PYY: variants seen among roughly 807,000 people sequenced by gnomAD.
The protein encoded by PYY is peptide YY.
PYY carries 12 observed loss-of-function variants against 10.3 expected under a neutral mutation model. The observed-to-expected ratio is 1.17, with a 90% CI of 0.75 to 1.89. PYY has a LOEUF of 1.89. Ranked by LOEUF, PYY falls within the 40% of genes most tolerant of loss-of-function variation. The pLI is 0.00. For missense variants in PYY, 141 were observed against 134.0 expected (o/e 1.05, Z -0.26); for synonymous variants, 66 against 62.0 (o/e 1.06, Z -0.30).
intron 1 of PYY, among the ~76,000 whole-genome samples, chr17:43,991,843 G>A (rs148621850): frequency 2.1e-4 from 32 of 150,642 alleles, no homozygotes; most frequent in African/African-American, 6.6e-4. Context: ...AAAAAAGGCC[G>A]GGCGCGGTGG....
At chr17:43,988,906 G>A (rs1018609701) in intron 1 of PYY, among the ~76,000 whole-genome samples, 1 of 151,762 alleles carries the variant, frequency 6.6e-6, no homozygotes, top group Admixed American at 6.6e-5. Context: ...GGGATTACAG[G>A]CATGCACCAA....
intron 1 of PYY, among the ~76,000 whole-genome samples, chr17:43,975,739 T>C (rs2048825114): frequency 7.2e-6 from 1 of 138,990 alleles, no homozygotes; most frequent in African/African-American, 2.8e-5. Context: ...TATATATATA[T>C]ATATATACAC....
chr17:43,969,561 A>G (rs868542395), intron 1 of PYY, among the ~76,000 whole-genome samples: 6 of 151,754 alleles, frequency 4.0e-5, no homozygotes, highest in Admixed American at 6.6e-5. Context: ...ATTGATAAAG[A>G]AAAACCATTT....
intron 1 of PYY, among the ~76,000 whole-genome samples, chr17:43,989,162 C>T (rs969380263): frequency 6.6e-6 from 1 of 151,910 alleles, no homozygotes; most frequent in Non-Finnish European, 1.5e-5. Flanking sequence ...ATCACGAGGT[C>T]AGGAGATCAA....
At chr17:43,955,851 G>A (rs916125907), upstream of PYY, among the ~76,000 whole-genome samples, 6 of 152,002 alleles carry the variant, frequency 3.9e-5, no homozygotes, top group African/African-American at 1.5e-4. Context: ...AGCAGTGGGG[G>A]CTGGTTAGGA....
At chr17:43,955,601 T>C (rs2048666564), upstream of PYY, among the ~76,000 whole-genome samples, 1 of 151,782 alleles carries the variant, frequency 6.6e-6, no homozygotes, top group Non-Finnish European at 1.5e-5. Context: ...AGGAGAAAAA[T>C]CATTCTTCTT....
chr17:44,001,218 T>C (rs566911091), intron 1 of PYY, among the ~76,000 whole-genome samples: 2 of 152,170 alleles, frequency 1.3e-5, no homozygotes, highest in South Asian at 4.2e-4. Flanking sequence ...AAGGGCTGTA[T>C]TGGGAGGGAA....
intron 1 of PYY, among the ~76,000 whole-genome samples, chr17:43,980,632 C>T (rs1420463531): frequency 6.6e-6 from 1 of 151,840 alleles, no homozygotes; most frequent in East Asian, 1.9e-4. Flanking sequence ...CACCACCACA[C>T]TCAGCTAATT....
intron 2 of PYY, among the ~76,000 whole-genome samples, chr17:43,964,920 T>C (rs1440660511): frequency 6.6e-6 from 1 of 152,220 alleles, no homozygotes; most frequent in Non-Finnish European, 1.5e-5. Flanking sequence ...AAATGGGATT[T>C]TTAATGCTAC....
intron 1 of PYY, among the ~76,000 whole-genome samples, chr17:43,983,516 A>G (rs2048896361): frequency 6.6e-6 from 1 of 152,146 alleles, no homozygotes; most frequent in Non-Finnish European, 1.5e-5. Flanking sequence ...CAAGGGGAGA[A>G]TGAGAACTGT....
intron 1 of PYY, among the ~76,000 whole-genome samples, chr17:44,003,670 C>CAAAAAA (rs34426332): frequency 5.8e-5 from 1 of 17,112 alleles, no homozygotes; most frequent in African/African-American, 1.0e-4. Flanking sequence ...AACAAACAAA[C>CAAAAAA]AAAAAAAAAA....
chr17:43,959,730 G>A (rs930335767), intron 2 of PYY, among the ~76,000 whole-genome samples: 3 of 152,236 alleles, frequency 2.0e-5, no homozygotes, highest in South Asian at 2.1e-4. Context: ...TGTGTGTTGC[G>A]AAGCCTGAAA....
chr17:43,985,612 C>A (rs1044528920), intron 1 of PYY, among the ~76,000 whole-genome samples: 13 of 152,198 alleles, frequency 8.5e-5, no homozygotes, highest in African/African-American at 3.1e-4. Flanking sequence ...GTAAATGTAC[C>A]TATCCTTCAA....
rs569491207 is a variant in PYY at position 43,969,904 on chromosome 17, G to A, written c.-462-3372C>T. On this transcript the variant is annotated intron_variant, in intron 1 of 6. Transcript: ENST00000360085. ...ATTATAGGTGCCCGCCACCGCACCC[G>A]GCTAATTTTTTGTATTTTTAGTAGA... 2.0e-5 allele frequency among the ~76,000 whole-genome samples: 3 copies of A among 151,670 alleles called. No homozygotes were observed. The East Asian group carries it at 5.9e-4, about 30-fold the overall frequency.
At chr17:43,973,992 T>C (rs868142396) in intron 1 of PYY, among the ~76,000 whole-genome samples, 26 of 152,052 alleles carry the variant, frequency 1.7e-4, no homozygotes, top group Middle Eastern at 3.4e-3. Context: ...CACGGACAAG[T>C]GGCCGACTCT....
At chr17:43,965,787 C>CAAAAA (rs1444570487) in intron 2 of PYY, among the ~76,000 whole-genome samples, 1 of 17,634 alleles carries the variant, frequency 5.7e-5, no homozygotes, top group Non-Finnish European at 8.6e-5. Context: ...GAATCCATCT[C>CAAAAA]ACAAAAAAAA....
At chr17:43,966,749 G>C (rs2048758008) in intron 1 of PYY, among the ~76,000 whole-genome samples, 1 of 152,148 alleles carries the variant, frequency 6.6e-6, no homozygotes. Context: ...TAGAATGGAG[G>C]CTCCATGAGA....
rs373419724 is a variant in PYY at position 43,974,176 on chromosome 17, G to A, written c.-462-7644C>T. Among the ~76,000 whole-genome samples, 5 of 152,012 alleles carry A rather than the reference G, an allele frequency of 3.3e-5. No homozygotes were observed. The East Asian group carries it at 7.7e-4, about 24-fold the overall frequency. Reference sequence around the variant, plus strand: ...ACATTGCCATTTACATGGGATAAAGGTTGTTTACCCTTAAAGGTATCGTGG... The same window carrying A: ...ACATTGCCATTTACATGGGATAAAGATTGTTTACCCTTAAAGGTATCGTGG... On this transcript the variant is annotated intron_variant, in intron 1 of 6. Coordinates refer to the PYY transcript ENST00000360085.
At chr17:43,973,318 G>T (rs1025748259) in intron 1 of PYY, among the ~76,000 whole-genome samples, 4 of 152,122 alleles carry the variant, frequency 2.6e-5, no homozygotes, top group Non-Finnish European at 5.9e-5. Flanking sequence ...TGGGGTTTGT[G>T]CCTGGTGTGG....
Sources: allele counts gnomAD v4.1 joint callset (sites outside exome capture counted in the v4.1 genomes callset), GRCh38; gene constraint gnomAD v4.1.1; transcripts MANE v1.5; gene names NCBI Gene and HGNC (gene_info 2026-07-23, HGNC 2026-07-21).